DSCAM: variants seen among roughly 807,000 people sequenced by gnomAD.
The protein encoded by DSCAM is cell adhesion molecule DSCAM.
A neutral mutation model predicts 217.7 loss-of-function variants in DSCAM; 47 were observed. The ratio of observed to expected loss-of-function variants is 0.22; its 90% CI spans 0.17 to 0.28. The LOEUF is 0.28. Among genes scored for constraint, DSCAM ranks in the 10% least tolerant of loss-of-function variants. The probability of loss-of-function intolerance (pLI) is 1.00; values close to 1 mark genes in which losing one functional copy is unlikely to be tolerated. For missense variants in DSCAM, 2,080 were observed against 2,618.3 expected, an observed-to-expected ratio of 0.79 and a Z score of 4.49; for synonymous variants, 1,056 against 1,015.3, an observed-to-expected ratio of 1.04 and a Z score of -0.76.
At chr21:40,512,031 C>T (rs1411415972) in intron 3 of DSCAM, among the ~76,000 whole-genome samples, 1 of 136,038 alleles carries the variant, frequency 7.4e-6, no homozygotes, top group African/African-American at 2.8e-5. Context: ...TGAGGTCTTG[C>T]TTTTGGGGGA....
intron 11 of DSCAM, among the ~76,000 whole-genome samples, chr21:40,219,348 C>A (rs755260999): frequency 6.6e-6 from 1 of 152,030 alleles, no homozygotes; most frequent in Non-Finnish European, 1.5e-5. Flanking sequence ...GTGGTCAAAT[C>A]CTGCTTTTTA....
At chr21:40,509,424 C>T (rs2076240789) in intron 3 of DSCAM, among the ~76,000 whole-genome samples, 1 of 152,200 alleles carries the variant, frequency 6.6e-6, no homozygotes, top group African/African-American at 2.4e-5. Flanking sequence ...TGCCAAGTGG[C>T]CAAAGGAGAT....
chr21:40,240,326 C>A (rs1195745651), intron 11 of DSCAM, among the ~76,000 whole-genome samples: 1 of 139,528 alleles, frequency 7.2e-6, no homozygotes, highest in Non-Finnish European at 1.5e-5. Flanking sequence ...TCTTATCTAG[C>A]TACTGCAGTA....
intron 3 of DSCAM, among the ~76,000 whole-genome samples, chr21:40,481,503 AAC>A (rs2075982192): frequency 7.0e-6 from 1 of 142,992 alleles, no homozygotes; most frequent in Non-Finnish European, 1.5e-5. Flanking sequence ...CAGCCTGGGC[AAC>A]AGAGACAGAG....
At position 40,032,525 on chromosome 21, in the gene DSCAM, T is replaced by G. The variant is rs114414971; in HGVS notation, c.5686+9846A>C. On this transcript the variant is annotated intron_variant, in intron 32 of 32. Coordinates refer to ENST00000400454, the MANE Select transcript of DSCAM (RefSeq NM_001389.5). ...TGGGCCTCTGATATCAATCTCACAT[T>G]ATTTATTTAGGGTTTTTCCTGCTTG... 4.2e-3 allele frequency among the ~76,000 whole-genome samples: 647 copies of G among 152,250 alleles called. 4 individuals carry two copies. The highest frequency in any genetic ancestry group is 0.015 in the African/African-American group (609 of 41,554).
At chr21:40,241,417 C>T (rs1449754204) in intron 11 of DSCAM, among the ~76,000 whole-genome samples, 1 of 152,028 alleles carries the variant, frequency 6.6e-6, no homozygotes, top group Admixed American at 6.6e-5. Context: ...TAGAGAAATG[C>T]AAATCAAGAC....
Position 40,620,066 on chromosome 21 carries a change from A to C in DSCAM, c.508+72744T>G, listed in dbSNP as rs1235610305. ...AGAGAGAAAAAAGAAAAAGAAAGAA[A>C]GAGAGAAAGAGAAAAAAGAAAGAGA... On this transcript the variant is annotated intron_variant, in intron 3 of 32. Coordinates refer to ENST00000400454, the MANE Select transcript of DSCAM (RefSeq NM_001389.5). Among the ~76,000 whole-genome samples the C allele has an allele frequency of 1.9e-5, 2 of 106,280 alleles. 1 individual carries two copies. The highest frequency in any genetic ancestry group is 7.7e-5 in the African/African-American group (2 of 25,878). The allele number at this position is 106,280 out of a possible 152,430, so 69.7% of individuals were successfully genotyped here.
chr21:40,215,807 T>A (rs773218791), intron 11 of DSCAM, among the ~76,000 whole-genome samples: 1 of 151,914 alleles, frequency 6.6e-6, no homozygotes, highest in Non-Finnish European at 1.5e-5. Flanking sequence ...AAGAAAAAAA[T>A]TAACTAATTA....
chr21:40,597,898 T>A (rs2077033963), intron 3 of DSCAM, among the ~76,000 whole-genome samples: 1 of 152,154 alleles, frequency 6.6e-6, no homozygotes, highest in Non-Finnish European at 1.5e-5. Flanking sequence ...CACTCCCCTA[T>A]ACTCAACTTC....
At chr21:40,467,667 T>C (rs190283036) in intron 3 of DSCAM, among the ~76,000 whole-genome samples, 90 of 152,288 alleles carry the variant, frequency 5.9e-4, no homozygotes, top group East Asian at 4.4e-3. Context: ...ATATGGAATA[T>C]TGTAAAATGT....
intron 3 of DSCAM, among the ~76,000 whole-genome samples, chr21:40,570,693 G>A (rs548291863): frequency 1.3e-5 from 2 of 152,264 alleles, no homozygotes; most frequent in African/African-American, 2.4e-5. Flanking sequence ...AACGGTGAAA[G>A]CAAAACTCAG....
chr21:40,141,328 C>A (rs1385643909), intron 18 of DSCAM, among the ~76,000 whole-genome samples: 2 of 152,150 alleles, frequency 1.3e-5, no homozygotes, highest in Non-Finnish European at 2.9e-5. Context: ...TTGAAAGAAG[C>A]CCCAGGCTGG....
chr21:40,765,235 A>G (rs547170728), intron 1 of DSCAM, among the ~76,000 whole-genome samples: 1 of 152,276 alleles, frequency 6.6e-6, no homozygotes, highest in African/African-American at 2.4e-5. Flanking sequence ...TGCCATGAAG[A>G]TTTCTGAGGT....
chr21:40,021,475 ATTTCTCATTCT>A (rs2088271816), intron 32 of DSCAM, among the ~76,000 whole-genome samples: 1 of 152,128 alleles, frequency 6.6e-6, no homozygotes, highest in Non-Finnish European at 1.5e-5. Flanking sequence ...TGGGGCACCC[ATTTCTCATTCT>A]TTTCTCATCA....
At chr21:40,720,516 C>A (rs2090890085) in intron 1 of DSCAM, among the ~76,000 whole-genome samples, 1 of 152,096 alleles carries the variant, frequency 6.6e-6, no homozygotes, top group Non-Finnish European at 1.5e-5. Context: ...TAATATATTT[C>A]ACTCATTCTA....
chr21:40,428,965 T>G (rs1410001355), intron 3 of DSCAM, among the ~76,000 whole-genome samples: 1 of 152,118 alleles, frequency 6.6e-6, no homozygotes, highest in Non-Finnish European at 1.5e-5. Context: ...CTGTAACCCC[T>G]TGCAGCATGG....
intron 3 of DSCAM, among the ~76,000 whole-genome samples, chr21:40,415,444 G>A (rs575905413): frequency 2.7e-4 from 41 of 152,360 alleles, no homozygotes; most frequent in African/African-American, 9.9e-4. Context: ...AAATGAATAT[G>A]AGGTAGACAA....
At chr21:40,704,911 G>A (rs2090696076) in intron 2 of DSCAM, among the ~76,000 whole-genome samples, 1 of 152,200 alleles carries the variant, frequency 6.6e-6, no homozygotes, top group South Asian at 2.1e-4. Flanking sequence ...AAATTAGAAA[G>A]AGGAGACATC....
At chr21:40,516,872 A>T (rs554351526) in intron 3 of DSCAM, among the ~76,000 whole-genome samples, 31 of 146,784 alleles carry the variant, frequency 2.1e-4, no homozygotes, top group African/African-American at 8.0e-4. Context: ...ATACACACAC[A>T]TGCGCACACA....
Sources: allele counts gnomAD v4.1 joint callset (sites outside exome capture counted in the v4.1 genomes callset), GRCh38; gene constraint gnomAD v4.1.1; transcripts MANE v1.5; gene names NCBI Gene and HGNC (gene_info 2026-07-23, HGNC 2026-07-21).